ITPRID1: variants seen among roughly 807,000 people sequenced by gnomAD.
ITPRID1 encodes ITPR interacting domain containing 1, also known as protein ITPRID1.
Under a neutral mutation model 95.4 loss-of-function variants are expected in ITPRID1, and 96 were observed. The observed-to-expected ratio is 1.01, with a 90% confidence interval of 0.85 to 1.19. The LOEUF is 1.19. ITPRID1 is among the 50% of genes most tolerant of loss of function. The probability of loss-of-function intolerance (pLI) is 0.00; values close to 1 mark genes in which losing one functional copy is unlikely to be tolerated. For missense variants in ITPRID1, 1,339 were observed against 1,252.9 expected, an observed-to-expected ratio of 1.07 and a Z score of -1.04; for synonymous variants, 510 against 453.6, an observed-to-expected ratio of 1.12 and a Z score of -1.58.
intron 1 of ITPRID1, chr7:31,518,236 G>A (rs1332813616): frequency 6.6e-6 from 1 of 152,266 alleles, no homozygotes; most frequent in Non-Finnish European, 1.5e-5. Flanking sequence ...GCAAGGAGAT[G>A]GATTTCCTTT....
intron 10 of ITPRID1, among the ~76,000 whole-genome samples, chr7:31,599,662 T>TTCTTTCTCTC (rs1369270186): frequency 6.4e-5 from 2 of 31,354 alleles, no homozygotes; most frequent in African/African-American, 1.5e-4. Context: ...TTTCTTTCCT[T>TTCTTTCTCTC]TCTCTCTCTC....
chr7:31,621,788 T>G (rs1300264399), intron 10 of ITPRID1, among the ~76,000 whole-genome samples: 1 of 148,762 alleles, frequency 6.7e-6, no homozygotes, highest in Non-Finnish European at 1.5e-5. Context: ...GACTAAATGC[T>G]CCAATTAAAA....
intron 10 of ITPRID1, among the ~76,000 whole-genome samples, chr7:31,583,745 C>T (rs943781896): frequency 6.6e-6 from 1 of 152,122 alleles, no homozygotes; most frequent in African/African-American, 2.4e-5. Context: ...GCTTGTCTGA[C>T]ACTAACTATA....
At position 31,589,180 on chromosome 7, in the gene ITPRID1, T is replaced by C. The variant is rs745799109; in HGVS notation, c.1228+5989T>C. Among the ~76,000 whole-genome samples the C allele has an allele frequency of 2.4e-4, 36 of 151,998 alleles. 1 individual carries two copies. The highest frequency in any genetic ancestry group is 2.0e-4 in the Admixed American group (3 of 15,254). On this transcript the variant is annotated intron_variant, in intron 10 of 14. Coordinates refer to ENST00000615280, the MANE Select transcript of ITPRID1 (RefSeq NM_001257967.3). ...AAATTCTGTAAATAAAAACTATAAT[T>C]CCTGAAATTCAATATTCATTTAACA... is the stretch of plus-strand genomic sequence containing the variant.
At chr7:31,520,252 A>G (rs1366676486) in intron 1 of ITPRID1, among the ~76,000 whole-genome samples, 1 of 152,170 alleles carries the variant, frequency 6.6e-6, no homozygotes, top group Admixed American at 6.5e-5. Context: ...AACCTGACTT[A>G]TCTCCATTGA....
At chr7:31,560,199 C>T (rs771032932) in intron 5 of ITPRID1, among the ~76,000 whole-genome samples, 162 of 152,062 alleles carry the variant, frequency 1.1e-3, no homozygotes, top group Non-Finnish European at 1.2e-3. Flanking sequence ...AGGAGTATGT[C>T]CTCTGTGTTC....
At chr7:31,612,391 ATTCT>A (rs889352444) in intron 10 of ITPRID1, among the ~76,000 whole-genome samples, 45 of 152,028 alleles carry the variant, frequency 3.0e-4, no homozygotes, top group African/African-American at 8.7e-4. Context: ...TGTGTGGGTC[ATTCT>A]TTCTCATTTC....
chr7:31,585,402 C>A lies in ITPRID1; in HGVS notation c.1228+2211C>A, dbSNP rs374217863. On this transcript the variant is annotated intron_variant, in intron 10 of 14. Coordinates refer to ENST00000615280, the MANE Select transcript of ITPRID1 (RefSeq NM_001257967.3). ...TATAGAAAATTGGGACCCAAGGCCA[C>A]AAATATACTATCCTCCCTGAGCCCC... Among the ~76,000 whole-genome samples, 39 of 152,038 alleles carry A rather than the reference C, an allele frequency of 2.6e-4. No individual in the cohort carries two copies. The South Asian group carries it at 7.1e-3, about 28-fold the overall frequency.
chr7:31,579,488 T>G (rs1367064338), intron 9 of ITPRID1, among the ~76,000 whole-genome samples: 2 of 152,204 alleles, frequency 1.3e-5, no homozygotes, highest in East Asian at 3.9e-4. Context: ...GGATGGGCAC[T>G]GAAACCATAA....
chr7:31,658,425 C>A, downstream of ITPRID1: 1 of 1,473,080 alleles, frequency 6.8e-7, no homozygotes, highest in South Asian at 1.4e-5. Context: ...TAATCAGTTT[C>A]CAGAGTATAA....
chr7:31,561,196 G>C (rs541981306), intron 5 of ITPRID1, among the ~76,000 whole-genome samples: 5 of 152,184 alleles, frequency 3.3e-5, no homozygotes, highest in Non-Finnish European at 7.4e-5. Flanking sequence ...ACAGAAAACA[G>C]AAAACTGCTT....
At chr7:31,619,396 T>C (rs1401490462) in intron 10 of ITPRID1, among the ~76,000 whole-genome samples, 2 of 152,184 alleles carry the variant, frequency 1.3e-5, no homozygotes, top group African/African-American at 2.4e-5. Flanking sequence ...TTCTTATTAT[T>C]TTACCATTAA....
chr7:31,643,521 G>C lies in ITPRID1; in HGVS notation c.2151G>C (p.Val717=), dbSNP rs754756948. The C allele has an allele frequency of 1.2e-6, 2 of 1,614,036 alleles. No individual in the cohort carries two copies. Among genetic ancestry groups the C allele is most frequent in the Admixed American group, 3.3e-5 (2 of 60,030 alleles). The part of the protein sequence containing the change: ...SVMTQMSSSL[V]SAAQRAVALG... The stretch of plus-strand genomic sequence containing the variant: ...TGACCCAGATGTCCTCCAGCCTGGT[G>C]TCGGCTGCTCAGAGGGCTGTGGCCT... The change falls in exon 12 of 15, where the codon GTG becomes GTC. Residue 717 remains valine, a synonymous_variant. Coordinates refer to ENST00000615280, the MANE Select transcript of ITPRID1 (RefSeq NM_001257967.3).
chr7:31,652,404 G>A (rs1583760403), intron 14 of ITPRID1, 114 bp from the exon 15 acceptor site: 2 of 1,437,144 alleles, frequency 1.4e-6, no homozygotes, highest in Non-Finnish European at 1.8e-6. Flanking sequence ...CTGGCTCAAA[G>A]AGCCCATTCT....
intron 5 of ITPRID1, among the ~76,000 whole-genome samples, chr7:31,560,890 G>A (rs1784601173): frequency 6.6e-6 from 1 of 152,202 alleles, no homozygotes. Context: ...ATGGGTAGAT[G>A]TGTTAAAGAC....
At chr7:31,516,117 A>G (rs1783032298) in intron 1 of ITPRID1, among the ~76,000 whole-genome samples, 1 of 152,224 alleles carries the variant, frequency 6.6e-6, no homozygotes, top group African/African-American at 2.4e-5. Flanking sequence ...AATTTCAGTG[A>G]ATCACAGAGA....
chr7:31,555,110 C>A lies in ITPRID1; in HGVS notation c.256+209C>A, dbSNP rs182729087. 458 of 523,018 alleles carry A rather than the reference C, an allele frequency of 8.8e-4. 1 individual carries two copies. Among genetic ancestry groups the A allele is most frequent in the African/African-American group, 7.8e-3 (409 of 52,350 alleles). The allele number at this position is 523,018 out of a possible 1,614,324, so 32.4% of individuals were successfully genotyped here. On this transcript the variant is annotated intron_variant, in intron 5 of 14. Transcript: ENST00000615280. ...CCCAGCAGCAGGTTAAGGGCCGAACCCAGGGCTCTTGCCATATCATCAATG... is the reference window on the plus strand; with the variant it reads ...CCCAGCAGCAGGTTAAGGGCCGAACACAGGGCTCTTGCCATATCATCAATG...
chr7:31,548,586 A>G (rs1466473401), intron 1 of ITPRID1, among the ~76,000 whole-genome samples: 3 of 152,084 alleles, frequency 2.0e-5, no homozygotes, highest in African/African-American at 7.2e-5. Flanking sequence ...TCTAGAGGGC[A>G]CAAGTGTTGG....
chr7:31,554,830 G>T, intron 4 of ITPRID1, 28 bp from the exon 5 acceptor site: 1 of 1,532,828 alleles, frequency 6.5e-7, no homozygotes, highest in South Asian at 1.2e-5. Context: ...CACATTGTTT[G>T]ACTCACAATA....
Sources: allele counts gnomAD v4.1 joint callset (sites outside exome capture counted in the v4.1 genomes callset), GRCh38; gene constraint gnomAD v4.1.1; transcripts MANE v1.5; gene names NCBI Gene and HGNC (gene_info 2026-07-23, HGNC 2026-07-21).